Variants in SMG6 observed in about 807,000 individuals in gnomAD.
SMG6 encodes the protein telomerase-binding protein EST1A.
In SMG6, 66 loss-of-function variants were observed where a neutral mutation model predicts 142.2. That is an observed-to-expected ratio of 0.46 (90% CI 0.38 to 0.57). The LOEUF is 0.57. SMG6 is among the 20% of genes least tolerant of loss of function. The pLI, the probability that SMG6 is intolerant of heterozygous loss-of-function variation, is 0.00. For missense variants in SMG6, 1,793 were observed against 1,832.0 expected, an observed-to-expected ratio of 0.98 and a Z score of 0.39; for synonymous variants, 779 against 702.4, an observed-to-expected ratio of 1.11 and a Z score of -1.72.
At chr17:2,273,090 CA>C (rs1240239501) in intron 8 of SMG6, among the ~76,000 whole-genome samples, 2 of 152,090 alleles carry the variant, frequency 1.3e-5, no homozygotes, top group African/African-American at 4.8e-5. Context: ...ATGTGTTTTA[CA>C]GGGAAAATGT....
At chr17:2,144,620 T>A (rs971578348) in intron 13 of SMG6, among the ~76,000 whole-genome samples, 1 of 152,172 alleles carries the variant, frequency 6.6e-6, no homozygotes. Context: ...GAATTCTTTG[T>A]GGCCTGAGTA....
chr17:2,131,299 A>AT (rs201040820), intron 13 of SMG6, among the ~76,000 whole-genome samples: 357 of 146,346 alleles, frequency 2.4e-3, no homozygotes, highest in Middle Eastern at 7.0e-3. Context: ...CTCAGAAATG[A>AT]TTTTTTTTTT....
rs557776793 is a variant in SMG6, at chr17:2,291,412, C to T, written c.2337+1140G>A. Among the ~76,000 whole-genome samples the T allele has an allele frequency of 3.2e-4, 48 of 149,464 alleles. 1 individual carries two copies. Among genetic ancestry groups the T allele is most frequent in the Non-Finnish European group, 5.0e-4 (34 of 67,670 alleles). On this transcript the variant is annotated intron_variant, in intron 6 of 18. Coordinates refer to ENST00000263073, the MANE Select transcript of SMG6 (RefSeq NM_017575.5). Reference sequence around the variant, plus strand: ...ACTTTCTAATTAACAGTTCATTCAACGATTACAAAGAAGGAATCAGGAAAA... The same window carrying T: ...ACTTTCTAATTAACAGTTCATTCAATGATTACAAAGAAGGAATCAGGAAAA...
chr17:2,189,757 A>C (rs913711283), intron 10 of SMG6, among the ~76,000 whole-genome samples: 11 of 151,802 alleles, frequency 7.2e-5, no homozygotes, highest in Middle Eastern at 3.2e-3. Flanking sequence ...TGATTGGAGT[A>C]CACAAAGCCA....
At chr17:2,140,391 G>A (rs1461803788) in intron 13 of SMG6, among the ~76,000 whole-genome samples, 1 of 152,202 alleles carries the variant, frequency 6.6e-6, no homozygotes, top group African/African-American at 2.4e-5. Flanking sequence ...TCATATCCAG[G>A]CCGGGTACGA....
At chr17:2,225,110 T>C (rs1427224486) in intron 10 of SMG6, among the ~76,000 whole-genome samples, 3 of 152,086 alleles carry the variant, frequency 2.0e-5, no homozygotes, top group Non-Finnish European at 4.4e-5. Context: ...ATATAAATAG[T>C]ATACTTCAGG....
Position 2,292,752 on chromosome 17 carries a change from G to A in SMG6, c.2258+119C>T, listed in dbSNP as rs536064817. 10 of 1,416,114 alleles carry A rather than the reference G, an allele frequency of 7.1e-6. No homozygotes were observed. In the East Asian group the frequency reaches 2.1e-4, roughly 29 times the overall value. 87.7% of individuals were successfully genotyped at this position (1,416,114 alleles called of 1,614,324 possible). A position where few individuals can be genotyped will look rare whatever the true frequency, so the allele number is the denominator to read the frequency against. On this transcript the variant is annotated intron_variant, in intron 5 of 18. Coordinates refer to ENST00000263073, the MANE Select transcript of SMG6 (RefSeq NM_017575.5). Reference sequence around the variant, plus strand: ...TTAGATGTAACCCTGGAGGGGTAAGGCATGACTACAGGGACCAATAGGGAC... The same window carrying A: ...TTAGATGTAACCCTGGAGGGGTAAGACATGACTACAGGGACCAATAGGGAC...
At chr17:2,065,788 T>G (rs2067925681) in intron 16 of SMG6, 109 bp from the exon 17 acceptor site, 1 of 912,532 alleles carries the variant, frequency 1.1e-6, no homozygotes, top group Admixed American at 2.1e-5. Flanking sequence ...GAATCCATCC[T>G]TCCCCCACAG....
At chr17:2,303,159 T>TG (rs1428785225) in intron 1 of SMG6, 13 of 985,260 alleles carry the variant, frequency 1.3e-5, no homozygotes, top group Non-Finnish European at 1.6e-5. Context: ...AAGCCTGTCT[T>TG]GGGGGGGAAA....
At chr17:2,108,217 T>C (rs935881915) in intron 13 of SMG6, among the ~76,000 whole-genome samples, 3 of 152,200 alleles carry the variant, frequency 2.0e-5, no homozygotes, top group African/African-American at 7.2e-5. Flanking sequence ...GAAGGAGACA[T>C]GGGAATCTGA....
chr17:2,084,007 A>C (rs2068490294), intron 14 of SMG6, among the ~76,000 whole-genome samples: 1 of 152,162 alleles, frequency 6.6e-6, no homozygotes. Flanking sequence ...CGAGAAAAAA[A>C]AGTGTGGCAC....
intron 10 of SMG6, among the ~76,000 whole-genome samples, chr17:2,221,822 C>A (rs1488694936): frequency 6.6e-6 from 1 of 152,192 alleles, no homozygotes; most frequent in Non-Finnish European, 1.5e-5. Context: ...CGGCTCACTG[C>A]AAGCTCCACC....
In SMG6 at chr17:2,251,653, T is replaced by C. The variant is rs1324015820; in HGVS notation, c.2662-6934A>G. On this transcript the variant is annotated intron_variant, in intron 8 of 18. Transcript: ENST00000263073. ...TGCTGCCTCTTATACTAAAGCAATT[T>C]GTTACTTCGTTATCCCTCCTAGTTA... Among the ~76,000 whole-genome samples the C allele has an allele frequency of 2.0e-5, 3 of 152,224 alleles. No individual in the cohort carries two copies. The East Asian group carries it at 5.8e-4, about 29-fold the overall frequency.
chr17:2,272,296 T>A (rs564248564), intron 8 of SMG6, among the ~76,000 whole-genome samples: 1 of 152,274 alleles, frequency 6.6e-6, no homozygotes, highest in Non-Finnish European at 1.5e-5. Flanking sequence ...CCAGTTAACT[T>A]TTCCAGGAAG....
chr17:2,168,771 C>T (rs1597508676), intron 13 of SMG6, among the ~76,000 whole-genome samples: 1 of 151,860 alleles, frequency 6.6e-6, no homozygotes, highest in South Asian at 2.1e-4. Context: ...GTTTTTGAGA[C>T]GGAGTCTTGC....
chr17:2,145,904 A>G (rs2070655019), intron 13 of SMG6, among the ~76,000 whole-genome samples: 1 of 152,100 alleles, frequency 6.6e-6, no homozygotes, highest in Non-Finnish European at 1.5e-5. Flanking sequence ...GTTCCTGAGT[A>G]GATGAATGAT....
At chr17:2,233,936 C>T (rs1326318095) in intron 10 of SMG6, among the ~76,000 whole-genome samples, 1 of 152,242 alleles carries the variant, frequency 6.6e-6, no homozygotes, top group Non-Finnish European at 1.5e-5. Context: ...AGTGTTATAT[C>T]CTGTGGCCTG....
At chr17:2,228,551 C>T (rs934499248) in intron 10 of SMG6, among the ~76,000 whole-genome samples, 5 of 150,954 alleles carry the variant, frequency 3.3e-5, no homozygotes, top group Admixed American at 6.6e-5. Context: ...TTAATGGAGG[C>T]AAGGTTTCCC....
intron 12 of SMG6, among the ~76,000 whole-genome samples, chr17:2,182,297 C>A (rs1448526056): frequency 6.6e-6 from 1 of 152,190 alleles, no homozygotes; most frequent in Non-Finnish European, 1.5e-5. Context: ...CCCTGGCCAG[C>A]AGATCCGTCA....
Sources: allele counts gnomAD v4.1 joint callset (sites outside exome capture counted in the v4.1 genomes callset), GRCh38; gene constraint gnomAD v4.1.1; transcripts MANE v1.5; gene names NCBI Gene and HGNC (gene_info 2026-07-23, HGNC 2026-07-21).